The following ATP10A variants were observed in gnomAD, a reference collection of about 807,000 sequenced individuals.
ATP10A encodes ATPase phospholipid transporting 10A (putative), also known as phospholipid-transporting ATPase VA.
Under a neutral mutation model 147.8 loss-of-function variants are expected in ATP10A, and 111 were observed. That is an observed-to-expected ratio of 0.75 (90% confidence interval 0.64 to 0.88). ATP10A has a LOEUF of 0.88. Among genes scored for constraint, ATP10A ranks in the 40% least tolerant of loss-of-function variants. ATP10A has a pLI of 0.00. For synonymous variants in ATP10A, 875 were observed against 841.6 expected (o/e 1.04, Z -0.69); for missense variants, 1,927 against 1,959.0 (o/e 0.98, Z 0.31).
intron 13 of ATP10A, 26 bp from the exon 14 acceptor site, chr15:25,695,172 C>A: frequency 6.3e-7 from 1 of 1,577,758 alleles, no homozygotes; most frequent in Non-Finnish European, 8.6e-7. Context: ...GAGGACAGCG[C>A]AGTTCCCTCA....
chr15:25,751,064 A>G (rs2140552418), intron 2 of ATP10A, among the ~76,000 whole-genome samples: 1 of 152,206 alleles, frequency 6.6e-6, no homozygotes, highest in Middle Eastern at 3.4e-3. Context: ...AAAAATTAGC[A>G]AAAGACTCAA....
At chr15:25,696,006 A>T (rs1406086960) in intron 13 of ATP10A, among the ~76,000 whole-genome samples, 1 of 151,976 alleles carries the variant, frequency 6.6e-6, no homozygotes, top group Non-Finnish European at 1.5e-5. Flanking sequence ...AAGGAGGAAA[A>T]CCTACGGTGG....
chr15:25,777,008 A>C (rs935719962), intron 2 of ATP10A, among the ~76,000 whole-genome samples: 2 of 152,178 alleles, frequency 1.3e-5, no homozygotes, highest in African/African-American at 4.8e-5. Flanking sequence ...ATCACTGGTG[A>C]ATAGGCCTGA....
At chr15:25,737,912 A>G (rs1043029306) in intron 2 of ATP10A, among the ~76,000 whole-genome samples, 2 of 152,048 alleles carry the variant, frequency 1.3e-5, no homozygotes, top group African/African-American at 4.8e-5. Flanking sequence ...CCTCAAAAGA[A>G]ACCATCCTGC....
chr15:25,739,389 CAG>C (rs1887462038), intron 2 of ATP10A, among the ~76,000 whole-genome samples: 1 of 152,150 alleles, frequency 6.6e-6, no homozygotes, highest in Non-Finnish European at 1.5e-5. Flanking sequence ...CACTCAAAAA[CAG>C]AGTAAAAAAT....
intron 1 of ATP10A, among the ~76,000 whole-genome samples, chr15:25,799,055 C>T (rs750468475): frequency 1.7e-4 from 26 of 152,236 alleles, no homozygotes; most frequent in Admixed American, 3.3e-4. Context: ...TCTTCCCATG[C>T]CTGCTTGCCC....
chr15:25,835,837 G>A (rs143880310), intron 1 of ATP10A, among the ~76,000 whole-genome samples: 3,140 of 151,982 alleles, frequency 0.021, 147 homozygotes, highest in East Asian at 0.18. Context: ...TTTTTGAGAC[G>A]GAGTCTCACT....
At chr15:25,835,404 G>A (rs1892545894) in intron 1 of ATP10A, among the ~76,000 whole-genome samples, 1 of 152,188 alleles carries the variant, frequency 6.6e-6, no homozygotes, top group African/African-American at 2.4e-5. Context: ...TATGGTACGT[G>A]AAGTGGGTCT....
chr15:25,693,083 G>A (rs910189993), intron 14 of ATP10A, among the ~76,000 whole-genome samples: 3 of 151,334 alleles, frequency 2.0e-5, no homozygotes, highest in African/African-American at 4.9e-5. Flanking sequence ...GTGTAGTGGT[G>A]TGATCACGGT....
At chr15:25,764,012 G>T (rs1259790342) in intron 2 of ATP10A, among the ~76,000 whole-genome samples, 2 of 152,154 alleles carry the variant, frequency 1.3e-5, no homozygotes, top group African/African-American at 2.4e-5. Context: ...ACAACAATTA[G>T]AGAAGAATAT....
Position 25,713,993 on chromosome 15 carries a change from G to T in ATP10A, c.2025C>A (p.Asp675Glu). ...IASNGYSSQA[D>E]NWASELAQEQ... is the part of the protein sequence containing the mutation. The stretch of plus-strand genomic sequence containing the variant: ...CCTGAGCAAGCTCCGAGGCCCAGTT[G>T]TCCGCCTGGCTGCTGTAGCCGTTGC... The change falls in exon 10 of 21, where the codon GAC (aspartate) becomes GAA (glutamate). Residue 675 changes from aspartate to glutamate, a missense_variant. By Grantham distance (45) the Asp-to-Glu change is conservative. Transcript: ENST00000555815. 1.2e-6 allele frequency: 2 copies of T among 1,609,820 alleles called. No individual in the cohort carries two copies. The highest frequency in any genetic ancestry group is 1.7e-6 in the Non-Finnish European group (2 of 1,179,930).
At chr15:25,736,616 G>A (rs1349323922) in intron 2 of ATP10A, among the ~76,000 whole-genome samples, 2 of 152,114 alleles carry the variant, frequency 1.3e-5, no homozygotes, top group East Asian at 1.9e-4. Context: ...CATAGCCAAT[G>A]AGTGAGCCAA....
intron 7 of ATP10A, among the ~76,000 whole-genome samples, chr15:25,721,242 G>T (rs1444025721): frequency 6.6e-6 from 1 of 152,170 alleles, no homozygotes; most frequent in African/African-American, 2.4e-5. Context: ...GGAAGAGAAC[G>T]AAACATGAAT....
At chr15:25,748,007 G>A (rs545248793) in intron 2 of ATP10A, among the ~76,000 whole-genome samples, 14 of 151,246 alleles carry the variant, frequency 9.3e-5, no homozygotes, top group African/African-American at 3.2e-4. Context: ...CTCTGTCGCC[G>A]AGGCTGGAGT....
intron 2 of ATP10A, among the ~76,000 whole-genome samples, chr15:25,754,943 A>G (rs1462183983): frequency 6.6e-6 from 1 of 152,184 alleles, no homozygotes; most frequent in African/African-American, 2.4e-5. Context: ...AGGATTCCCA[A>G]ATAGCCTTTT....
rs207475297 is a variant in ATP10A at position 25,691,787 on chromosome 15, A to C, written c.3093T>G (p.Asp1031Glu). ...KLKAMTLAIG[D>E]GANDVSMIQV... is the part of the protein sequence containing the mutation. ...GGATCATGCTGACATCATTGGCTCC[A>C]TCACCTAGAAACAGCACAGGCAAGA... is the stretch of plus-strand genomic sequence containing the variant. The change falls in exon 15 of 21, where the codon GAT (aspartate) becomes GAG (glutamate). Residue 1031 changes from aspartate to glutamate, a missense_variant. Physicochemically the swap from Asp to Glu is conservative, Grantham distance 45. Transcript: ENST00000555815. The C allele has an allele frequency of 2.5e-6, 4 of 1,614,192 alleles. No homozygotes were observed. Among genetic ancestry groups the C allele is most frequent in the Non-Finnish European group, 3.4e-6 (4 of 1,180,028 alleles).
chr15:25,773,793 C>T (rs944969376), intron 2 of ATP10A, among the ~76,000 whole-genome samples: 2 of 149,914 alleles, frequency 1.3e-5, no homozygotes, highest in African/African-American at 4.9e-5. Flanking sequence ...CATACACACT[C>T]ACACAAACAT....
rs748501825 is a variant in ATP10A, at chr15:25,716,743, T to C, written c.1763A>G (p.Gln588Arg). The part of the protein sequence containing the change: ...CNTVVVTSPD[Q>R]PRTKVRVRFE... ...TCCAGAACTTGCCTTTGTTCGTGGCTGATCCGGGGACGTGACGACGACTGT... is the reference window on the plus strand; with the variant it reads ...TCCAGAACTTGCCTTTGTTCGTGGCCGATCCGGGGACGTGACGACGACTGT... The change falls in exon 9 of 21, where the codon CAG becomes CGG. Residue 588 changes from glutamine to arginine, a missense_variant. Gln to Arg is a conservative substitution (Grantham distance 43). Coordinates refer to ENST00000555815, the MANE Select transcript of ATP10A (RefSeq NM_024490.4). The C allele has an allele frequency of 6.3e-6, 10 of 1,588,806 alleles. No individual in the cohort carries two copies. The East Asian group carries it at 2.3e-4, about 37-fold the overall frequency.
intron 1 of ATP10A, among the ~76,000 whole-genome samples, chr15:25,839,138 C>T (rs1214298703): frequency 6.6e-6 from 1 of 152,190 alleles, no homozygotes; most frequent in African/African-American, 2.4e-5. Context: ...ACCTTAGCTC[C>T]AGTTTAAACT....
Sources: gnomAD v4.1 joint callset for allele counts (sites outside exome capture counted in the v4.1 genomes callset) on GRCh38, gnomAD v4.1.1 for gene constraint, MANE v1.5 for transcripts, NCBI Gene and HGNC (gene_info 2026-07-23, HGNC 2026-07-21) for gene names.